Variants in TSPAN9 observed in about 807,000 individuals in gnomAD.
The protein encoded by TSPAN9 is tetraspanin 9, also known as tetraspanin-9.
Under a neutral mutation model 31.0 loss-of-function variants are expected in TSPAN9, and 16 were observed. That is an observed-to-expected ratio of 0.52 (90% CI 0.35 to 0.78). TSPAN9 has a LOEUF of 0.78. Ranked by LOEUF, TSPAN9 falls within the 30% of genes least tolerant of loss-of-function variation. The pLI, the probability that TSPAN9 is intolerant of heterozygous loss-of-function variation, is 0.01. For synonymous variants in TSPAN9, 145 were observed against 121.6 expected (o/e 1.19, Z -1.27); for missense variants, 272 against 312.5 (o/e 0.87, Z 0.98).
At chr12:3,155,504 C>T (rs758383357) in intron 2 of TSPAN9, among the ~76,000 whole-genome samples, 3 of 151,772 alleles carry the variant, frequency 2.0e-5, no homozygotes, top group African/African-American at 4.8e-5. Context: ...GAGGCCGAGG[C>T]GGGAGGATCC....
At chr12:3,153,864 G>A (rs562916916) in intron 2 of TSPAN9, among the ~76,000 whole-genome samples, 1 of 150,030 alleles carries the variant, frequency 6.7e-6, no homozygotes, top group African/African-American at 2.4e-5. Flanking sequence ...GTGTGTGTGC[G>A]TGTGTGTCTG....
intron 2 of TSPAN9, among the ~76,000 whole-genome samples, chr12:3,157,996 A>G (rs547823139): frequency 6.6e-6 from 1 of 151,780 alleles, no homozygotes; most frequent in Non-Finnish European, 1.5e-5. Context: ...CCCTCCCTTT[A>G]TCTACTAAAA....
chr12:3,247,965 G>T (rs1354534239), intron 3 of TSPAN9, among the ~76,000 whole-genome samples: 2 of 152,240 alleles, frequency 1.3e-5, no homozygotes, highest in African/African-American at 4.8e-5. Context: ...GGGAAGCGCA[G>T]CGGGGCATGG....
At chr12:3,246,080 G>T (rs999898917) in intron 3 of TSPAN9, among the ~76,000 whole-genome samples, 1 of 151,620 alleles carries the variant, frequency 6.6e-6, no homozygotes, top group Non-Finnish European at 1.5e-5. Flanking sequence ...CATGGTGCCG[G>T]CATCTGCTTG....
In TSPAN9 at chr12:3,279,046, T is replaced by A; in HGVS notation, c.310T>A (p.Phe104Ile). The change falls in exon 5 of 9, where the codon TTC becomes ATC. Residue 104 changes from phenylalanine to isoleucine, a missense_variant. Phe to Ile is a conservative substitution (Grantham distance 21). Transcript: ENST00000011898. Reference protein sequence around the residue: ...LLAELILLILFFVYMDKVNEN... With the variant: ...LLAELILLILIFVYMDKVNEN... ...AGCAGAGCTGATCTTACTCATCCTC[T>A]TCTTTGTCTACATGGACAAGGTAAG... 2 of 1,614,164 alleles carry A rather than the reference T, an allele frequency of 1.2e-6. No homozygotes were observed. Among genetic ancestry groups the A allele is most frequent in the East Asian group, 4.5e-5 (2 of 44,876 alleles).
At chr12:3,282,074 A>G (rs946146796) in intron 8 of TSPAN9, 6 of 665,800 alleles carry the variant, frequency 9.0e-6, no homozygotes, top group African/African-American at 7.1e-5. Flanking sequence ...GCTGGAGTCA[A>G]CCCCCGTGGG....
intron 2 of TSPAN9, among the ~76,000 whole-genome samples, chr12:3,160,744 G>A (rs2098344656): frequency 6.6e-6 from 1 of 152,046 alleles, no homozygotes; most frequent in African/African-American, 2.4e-5. Context: ...TGCCACTTGT[G>A]TATCTTCTAT....
intron 1 of TSPAN9, among the ~76,000 whole-genome samples, chr12:3,078,427 G>A (rs2153961067): frequency 6.6e-6 from 1 of 152,220 alleles, no homozygotes; most frequent in Middle Eastern, 3.4e-3. Context: ...ATATATACCT[G>A]CCAGCTCCCT....
At chr12:3,110,821 C>T (rs899645162) in intron 2 of TSPAN9, among the ~76,000 whole-genome samples, 2 of 152,144 alleles carry the variant, frequency 1.3e-5, no homozygotes, top group African/African-American at 4.8e-5. Flanking sequence ...TTCTGGCTAG[C>T]GGTGGGGACA....
chr12:3,078,597 G>A (rs1321319647), intron 1 of TSPAN9, among the ~76,000 whole-genome samples: 5 of 152,226 alleles, frequency 3.3e-5, no homozygotes, highest in Non-Finnish European at 5.9e-5. Flanking sequence ...GCTAAGGAAT[G>A]CAGCCAGAGA....
intron 3 of TSPAN9, among the ~76,000 whole-genome samples, chr12:3,215,765 C>T (rs2098381072): frequency 6.6e-6 from 1 of 152,198 alleles, no homozygotes; most frequent in Admixed American, 6.5e-5. Flanking sequence ...CTGCTCTCTC[C>T]AGGCTCCGTG....
At position 3,143,546 on chromosome 12, in the gene TSPAN9, C is replaced by T. The variant is rs1387569092; in HGVS notation, c.-17-57631C>T. Among the ~76,000 whole-genome samples the T allele has an allele frequency of 6.6e-6, 1 of 151,976 alleles. No homozygotes were observed. Among genetic ancestry groups the T allele is most frequent in the Non-Finnish European group, 1.5e-5 (1 of 68,018 alleles). On this transcript the variant is annotated intron_variant, in intron 2 of 8. Coordinates refer to ENST00000011898, the MANE Select transcript of TSPAN9 (RefSeq NM_006675.5). The surrounding 1 kb of genome is among the most constrained non-coding windows in gnomAD (Gnocchi z 4.2). ...TATTTATTCAATTAGTTATTTTTAT[C>T]ATTACAGACTCATGGATATTTATTT... is the stretch of plus-strand genomic sequence containing the variant.
In TSPAN9 at chr12:3,147,468, G is replaced by A. The variant is rs532681810; in HGVS notation, c.-17-53709G>A. ...CATCTCCACCGACGCGACGGGAAGT[G>A]GCCTCTCCCTCCTTCAGGATCGCCC... On this transcript the variant is annotated intron_variant, in intron 2 of 8. Transcript: ENST00000011898. This position sits in a 1 kb window ranked among gnomAD's most constrained non-coding sequence, Gnocchi z 4.3. 6.6e-6 allele frequency among the ~76,000 whole-genome samples: 1 copy of A among 152,268 alleles called. No homozygotes were observed. The highest frequency in any genetic ancestry group is 2.1e-4 in the South Asian group (1 of 4,826).
intron 2 of TSPAN9, among the ~76,000 whole-genome samples, chr12:3,198,187 A>G (rs1458378033): frequency 2.3e-5 from 2 of 86,112 alleles, no homozygotes; most frequent in East Asian, 3.8e-4. Context: ...CACCACCAGC[A>G]CAGGCCACCA....
intron 3 of TSPAN9, among the ~76,000 whole-genome samples, chr12:3,261,464 C>T (rs531478812): frequency 3.3e-5 from 5 of 152,132 alleles, no homozygotes; most frequent in South Asian, 4.1e-4. Flanking sequence ...CTCGAGCCTA[C>T]GCTCTCAACC....
intron 3 of TSPAN9, among the ~76,000 whole-genome samples, chr12:3,202,376 G>T (rs956527174): frequency 1.3e-5 from 2 of 152,202 alleles, no homozygotes; most frequent in Admixed American, 1.3e-4. Flanking sequence ...CAGTTGTGCC[G>T]AAGAGGCATT....
chr12:3,263,041 T>G (rs931041992), intron 3 of TSPAN9, among the ~76,000 whole-genome samples: 1 of 152,176 alleles, frequency 6.6e-6, no homozygotes, highest in Non-Finnish European at 1.5e-5. Context: ...GGACATCACT[T>G]CCTGCCACTC....
chr12:3,085,943 G>A lies in TSPAN9; in HGVS notation c.-18+2224G>A, dbSNP rs182188949. On this transcript the variant is annotated intron_variant, in intron 2 of 8. Coordinates refer to ENST00000011898, the MANE Select transcript of TSPAN9 (RefSeq NM_006675.5). Reference sequence around the variant, plus strand: ...GTTTGCGGAGATGGTCCCCTGCCCCGTGAGTGGCGAGTGGCGGGGTCCTAC... The same window carrying A: ...GTTTGCGGAGATGGTCCCCTGCCCCATGAGTGGCGAGTGGCGGGGTCCTAC... Among the ~76,000 whole-genome samples, 482 of 152,354 alleles carry A rather than the reference G, an allele frequency of 3.2e-3. 1 individual carries two copies. The highest frequency in any genetic ancestry group is 0.011 in the African/African-American group (456 of 41,584).
chr12:3,111,586 C>T (rs939800347), intron 2 of TSPAN9, among the ~76,000 whole-genome samples: 1 of 150,104 alleles, frequency 6.7e-6, no homozygotes, highest in East Asian at 2.0e-4. Context: ...TAAGAATGAT[C>T]AGTGTTTACG....
Sources: gnomAD v4.1 joint callset for allele counts (sites outside exome capture counted in the v4.1 genomes callset) on GRCh38, gnomAD v4.1.1 for gene constraint, Gnocchi (gnomAD v3.1) non-coding constraint, MANE v1.5 for transcripts, NCBI Gene and HGNC (gene_info 2026-07-23, HGNC 2026-07-21) for gene names.